The following HYDIN variants were observed in gnomAD, a reference collection of about 807,000 sequenced individuals.
HYDIN encodes axonemal central pair apparatus protein HYDIN.
In HYDIN, 132 loss-of-function variants were observed where a neutral mutation model predicts 403.9. That is an observed-to-expected ratio of 0.33 (90% CI 0.28 to 0.38). The LOEUF (loss-of-function observed/expected upper bound fraction) is 0.38, where lower values mean the gene tolerates loss of function less well. Among genes scored for constraint, HYDIN ranks in the 10% least tolerant of loss-of-function variants. HYDIN has a pLI of 1.00. For missense variants in HYDIN, 2,827 were observed against 5,009.5 expected (o/e 0.56, Z 13.15); for synonymous variants, 1,202 against 1,891.7 (o/e 0.64, Z 9.46).
intron 1 of HYDIN, among the ~76,000 whole-genome samples, chr16:71,212,753 G>A (rs973221356): frequency 6.6e-6 from 1 of 152,082 alleles, no homozygotes; most frequent in Admixed American, 6.5e-5. Context: ...AGAGAAGAGA[G>A]ATAATGAGTC....
Position 71,211,302 on chromosome 16 carries a change from G to C in HYDIN, c.-24+19260C>G, listed in dbSNP as rs1233620369. Reference sequence around the variant, plus strand: ...CTTCAAGCCATGAGCTAGGCTTGGGGTATTCCCAGACTAAAAGATGCTGAG... The same window carrying C: ...CTTCAAGCCATGAGCTAGGCTTGGGCTATTCCCAGACTAAAAGATGCTGAG... On this transcript the variant is annotated intron_variant, in intron 1 of 85. Coordinates refer to ENST00000393567, the MANE Select transcript of HYDIN (RefSeq NM_001270974.2). Among the ~76,000 whole-genome samples, 7 of 152,158 alleles carry C rather than the reference G, an allele frequency of 4.6e-5. No homozygotes were observed. The East Asian group carries it at 1.3e-3, about 29-fold the overall frequency.
At chr16:71,222,651 A>C (rs1284727375) in intron 1 of HYDIN, among the ~76,000 whole-genome samples, 1 of 152,134 alleles carries the variant, frequency 6.6e-6, no homozygotes, top group East Asian at 1.9e-4. Context: ...TTACAAAATT[A>C]ATGTACACAA....
chr16:71,185,540 C>A lies in HYDIN; in HGVS notation c.136-550G>T, dbSNP rs116266490. Among the ~76,000 whole-genome samples the A allele has an allele frequency of 4.3e-3, 651 of 152,206 alleles. 3 individuals carry two copies. The highest frequency in any genetic ancestry group is 0.015 in the African/African-American group (628 of 41,550). ...ATGAGTTTGAACTTTAGAGACATCA[C>A]AAGGGTGCATTTAGACCTCGCTTTG... is the stretch of plus-strand genomic sequence containing the variant. On this transcript the variant is annotated intron_variant, in intron 2 of 85. Coordinates refer to ENST00000393567, the MANE Select transcript of HYDIN (RefSeq NM_001270974.2).
intron 75 of HYDIN, among the ~76,000 whole-genome samples, chr16:70,846,435 A>T (rs1384930749): frequency 3.3e-5 from 5 of 151,210 alleles, no homozygotes; most frequent in African/African-American, 4.8e-5. Flanking sequence ...GTTCTTTTAC[A>T]TTTGCTGAGG....
At chr16:71,141,270 A>T (rs1250313359) in intron 7 of HYDIN, among the ~76,000 whole-genome samples, 4 of 151,344 alleles carry the variant, frequency 2.6e-5, no homozygotes, top group Admixed American at 1.3e-4. Flanking sequence ...TATTGTTAGG[A>T]CAACTTCATA....
Position 70,807,913 on chromosome 16 carries a change from T to C in HYDIN, c.15033A>G (p.Gly5011=). 1 of 1,614,124 alleles carries C rather than the reference T, an allele frequency of 6.2e-7. No homozygotes were observed. Residue 5011 remains glycine (G), a synonymous_variant, in exon 86 of 86, where the codon GGA becomes GGG. Transcript: ENST00000393567. ...TTCCAAAGAGGGGGATGATATACTC[T>C]CCACCTGCGAGCGATGATAGGATCA... The part of the protein sequence containing the change: ...GILILSSLAG[G]EYIIPLFGMA...
At chr16:71,158,804 C>G (rs1190289086) in intron 6 of HYDIN, among the ~76,000 whole-genome samples, 4 of 150,564 alleles carry the variant, frequency 2.7e-5, no homozygotes, top group Non-Finnish European at 5.9e-5. Context: ...ACCTTGGCCT[C>G]CCAAGTAGCT....
chr16:71,138,613 C>T (rs865850611), intron 7 of HYDIN, among the ~76,000 whole-genome samples: 5 of 151,470 alleles, frequency 3.3e-5, no homozygotes, highest in African/African-American at 4.9e-5. Context: ...AAAAGGTATG[C>T]ACTCTTGTCA....
intron 18 of HYDIN, among the ~76,000 whole-genome samples, chr16:71,055,005 G>C (rs1290807905): frequency 6.6e-6 from 1 of 152,296 alleles, no homozygotes; most frequent in Non-Finnish European, 1.5e-5. Flanking sequence ...AGTACATACA[G>C]TCATTTTCTG....
chr16:70,863,341 A>G (rs952311183), intron 67 of HYDIN, among the ~76,000 whole-genome samples, 159 bp from the exon 68 acceptor site: 2 of 152,178 alleles, frequency 1.3e-5, no homozygotes, highest in African/African-American at 4.8e-5. Flanking sequence ...ATTAGAAATC[A>G]TGCATATGAT....
Position 70,818,402 on chromosome 16 carries a change from C to G in HYDIN, c.14598G>C (p.Thr4866=). ...NPLPYSVTFS[T]ECRMPDIALP... ...GGGCGATGTCGGGCATCCGGCATTC[C>G]GTGGAGAAGGTCACCGAGTAGGGCA... is the stretch of plus-strand genomic sequence containing the variant. The change falls in exon 84 of 86, where the codon ACG becomes ACC. Residue 4866 remains threonine, a synonymous_variant. Transcript: ENST00000393567. 2 of 1,613,702 alleles carry G rather than the reference C, an allele frequency of 1.2e-6. No homozygotes were observed. The highest frequency in any genetic ancestry group is 1.7e-6 in the Non-Finnish European group (2 of 1,179,782).
At chr16:71,037,199 G>C (rs1177360682) in intron 18 of HYDIN, among the ~76,000 whole-genome samples, 1 of 145,222 alleles carries the variant, frequency 6.9e-6, no homozygotes, top group Non-Finnish European at 1.5e-5. Flanking sequence ...GGATGAGTGA[G>C]ACAGTGCAGG....
At chr16:70,951,618 T>C (rs1156693757) in intron 41 of HYDIN, among the ~76,000 whole-genome samples, 1 of 152,144 alleles carries the variant, frequency 6.6e-6, no homozygotes, top group Non-Finnish European at 1.5e-5. Flanking sequence ...TCTCCTTTAA[T>C]TGTGCTGAAT....
chr16:70,982,171 A>G (rs2079066579), intron 28 of HYDIN, among the ~76,000 whole-genome samples: 1 of 151,808 alleles, frequency 6.6e-6, no homozygotes, highest in Non-Finnish European at 1.5e-5. Context: ...GTTCATAAAT[A>G]TATAGTAAAA....
At chr16:70,821,713 C>A (rs1293749322) in intron 83 of HYDIN, among the ~76,000 whole-genome samples, 1 of 151,694 alleles carries the variant, frequency 6.6e-6, no homozygotes, top group African/African-American at 2.4e-5. Context: ...TGAAGTTTGC[C>A]AAGTTTCTTG....
At position 71,120,596 on chromosome 16, in the gene HYDIN, G is replaced by A. The variant is rs558805413; in HGVS notation, c.1228-4801C>T. On this transcript the variant is annotated intron_variant, in intron 9 of 85. Transcript: ENST00000393567. ...AAAAATTATATCAGCAATACTTACA[G>A]GGGATCTTTAAAAAAAACTCCCTTG... 4.9e-3 allele frequency among the ~76,000 whole-genome samples: 747 copies of A among 151,320 alleles called. 4 individuals are homozygous for A. The highest frequency in any genetic ancestry group is 9.0e-3 in the Non-Finnish European group (608 of 67,842).
rs1425239172 is a variant in HYDIN at position 70,903,992 on chromosome 16, C to T, written c.8589G>A (p.Glu2863=). 1 of 960,758 alleles carries T rather than the reference C, an allele frequency of 1.0e-6. No individual in the cohort carries two copies. The highest frequency in any genetic ancestry group is 1.6e-6 in the Non-Finnish European group (1 of 630,166). 59.5% of individuals were successfully genotyped at this position (960,758 alleles called of 1,614,324 possible). ...CATCATTCTGAAAATAGAAGGATGC[C>T]TCCACCACCATTAAGGAAGTGTTCA... ...TILNTSLMVV[E]ASFYFQNDVK... is the part of the protein sequence containing the mutation. Residue 2863 remains glutamate, a synonymous_variant, in exon 51 of 86, where the codon GAG becomes GAA. Transcript: ENST00000393567.
chr16:71,215,391 C>T (rs759458198), intron 1 of HYDIN, among the ~76,000 whole-genome samples: 9 of 152,066 alleles, frequency 5.9e-5, no homozygotes, highest in African/African-American at 9.7e-5. Flanking sequence ...AAAATTCTAG[C>T]TGATGAATGA....
intron 1 of HYDIN, among the ~76,000 whole-genome samples, chr16:71,221,587 C>A (rs1204825830): frequency 6.6e-6 from 1 of 151,724 alleles, no homozygotes; most frequent in African/African-American, 2.4e-5. Context: ...GAACAAGAAC[C>A]AGCAAAAACA....
Sources: gnomAD v4.1 joint callset for allele counts (sites outside exome capture counted in the v4.1 genomes callset) on GRCh38, gnomAD v4.1.1 for gene constraint, MANE v1.5 for transcripts, NCBI Gene and HGNC (gene_info 2026-07-23, HGNC 2026-07-21) for gene names.